The following CSNK1A1L variants were observed in gnomAD, a reference collection of about 807,000 sequenced individuals.
The protein encoded by CSNK1A1L is casein kinase 1 alpha 1 like.
In CSNK1A1L, 20 loss-of-function variants were observed where a neutral mutation model predicts 24.6. The observed-to-expected ratio is 0.81, with a 90% confidence interval of 0.57 to 1.18. The LOEUF (loss-of-function observed/expected upper bound fraction) is 1.18. CSNK1A1L is among the 50% of genes most tolerant of loss of function. The pLI is 0.00. For synonymous variants in CSNK1A1L, 152 were observed against 154.0 expected (o/e 0.99, Z 0.09); for missense variants, 414 against 419.0 (o/e 0.99, Z 0.10).
Position 37,105,242 on chromosome 13 carries a change from G to A in CSNK1A1L, c.15C>T (p.Ser5=), listed in dbSNP as rs768049929. 21 of 1,613,134 alleles carry A rather than the reference G, an allele frequency of 1.3e-5. No homozygotes were observed. The highest frequency in any genetic ancestry group is 1.7e-4 in the Middle Eastern group (1 of 6,058). Residue 5 remains serine, a synonymous_variant, in exon 1 of 1, where the codon AGC becomes AGT. Coordinates refer to ENST00000379800, the MANE Select transcript of CSNK1A1L (RefSeq NM_145203.6). ...CCACAACGAGTTCGGCTTTGGAGCC[G>A]CTGTTGTTTGTCATCCTGAGAGGCA... MTNN[S]GSKAELVVGG...
rs56316262 is a variant in CSNK1A1L at position 37,105,137 on chromosome 13, G to C, written c.120C>G (p.Gly40=). 1,001 of 1,614,066 alleles carry C rather than the reference G, an allele frequency of 6.2e-4. 1 individual carries two copies. The highest frequency in any genetic ancestry group is 8.1e-4 in the Non-Finnish European group (950 of 1,180,018). ...ATTCCAGCTTCACTGCTACGTCCTC[G>C]CCGTTGGTGGTGGTGATGCCCAGAT... is the stretch of plus-strand genomic sequence containing the variant. ...DVYLGITTTN[G]EDVAVKLESQ... is the part of the protein sequence containing the mutation. The change falls in exon 1 of 1, where the codon GGC becomes GGG. Residue 40 remains glycine, a synonymous_variant. Coordinates refer to ENST00000379800, the MANE Select transcript of CSNK1A1L (RefSeq NM_145203.6).
At position 37,105,386 on chromosome 13, in the gene CSNK1A1L, G is replaced by T; in HGVS notation, c.-130C>A. ...GAAATGGCCACCGAGGCGTTTCCCG[G>T]TGTTACAGGGCGTGGAGTCAGCCTG... is the stretch of plus-strand genomic sequence containing the variant. On this transcript the variant is annotated 5_prime_UTR_variant, in exon 1 of 1. Transcript: ENST00000379800. 1 of 971,404 alleles carries T rather than the reference G, an allele frequency of 1.0e-6. No individual in the cohort carries two copies. The highest frequency in any genetic ancestry group is 1.5e-6 in the Non-Finnish European group (1 of 647,248). The allele number at this position is 971,404 out of a possible 1,614,324, so 60.2% of individuals were successfully genotyped here.
chr13:37,105,336 G>T lies in CSNK1A1L; in HGVS notation c.-80C>A, dbSNP rs535702378. 2.0e-6 allele frequency: 3 copies of T among 1,472,780 alleles called. No homozygotes were observed. The highest frequency in any genetic ancestry group is 2.1e-5 in the Admixed American group (1 of 46,620). The allele number at this position is 1,472,780 out of a possible 1,614,324, so 91.2% of individuals were successfully genotyped here. A position where few individuals can be genotyped will look rare whatever the true frequency, so the allele number is the denominator to read the frequency against. On this transcript the variant is annotated 5_prime_UTR_variant, in exon 1 of 1. Coordinates refer to ENST00000379800, the MANE Select transcript of CSNK1A1L (RefSeq NM_145203.6). ...GGAGGCCTCCGGGGCCCACCGGCCC[G>T]CAAGGCTGAGGATGAGGGCTGCTGG...
In CSNK1A1L at chr13:37,104,646, A is replaced by C. The variant is rs1268006496; in HGVS notation, c.611T>G (p.Met204Arg). ...LGIEQSRRDD[M>R]ESLGYVFMYF... ...CATGAAAACGTAGCCTAAGGATTCC[A>C]TGTCATCTCGGCGGCTCTGCTCAAT... Residue 204 changes from methionine to arginine, a missense_variant, in exon 1 of 1, where the codon ATG becomes AGG. Physicochemically the swap from Met to Arg is moderately conservative, Grantham distance 91. Coordinates refer to ENST00000379800, the MANE Select transcript of CSNK1A1L (RefSeq NM_145203.6). 2 of 1,613,972 alleles carry C rather than the reference A, an allele frequency of 1.2e-6. No individual in the cohort carries two copies. The highest frequency in any genetic ancestry group is 1.7e-6 in the Non-Finnish European group (2 of 1,179,980).
In CSNK1A1L at chr13:37,105,544, A is replaced by AGG. The variant is rs1243933982; in HGVS notation, c.-290_-289dup. The AGG allele has an allele frequency of 5.4e-6, 2 of 369,910 alleles. No homozygotes were observed. Among genetic ancestry groups the AGG allele is most frequent in the Non-Finnish European group, 1.0e-5 (2 of 196,436 alleles). The allele number at this position is 369,910 out of a possible 1,614,324, so 22.9% of individuals were successfully genotyped here. ...TCGTGGCGATGTCGTGGGCTGAGAA[A>AGG]GGGGGCACAGCGAGTTGGGGCAGCA... On this transcript the variant is annotated 5_prime_UTR_variant, in exon 1 of 1. Transcript: ENST00000379800.
At position 37,105,417 on chromosome 13, in the gene CSNK1A1L, T is replaced by A; in HGVS notation, c.-161A>T. The A allele has an allele frequency of 1.4e-6, 1 of 690,370 alleles. No homozygotes were observed. The highest frequency in any genetic ancestry group is 2.1e-5 in the South Asian group (1 of 48,780). 42.8% of individuals were successfully genotyped at this position (690,370 alleles called of 1,614,324 possible). A position where few individuals can be genotyped will look rare whatever the true frequency, so the allele number is the denominator to read the frequency against. ...CAGGGCGTGGAGTCAGCCTGATCCCTGCAGCACACCAGGATTTCCGCCAGG... is the reference window on the plus strand; with the variant it reads ...CAGGGCGTGGAGTCAGCCTGATCCCAGCAGCACACCAGGATTTCCGCCAGG... On this transcript the variant is annotated 5_prime_UTR_variant, in exon 1 of 1. Coordinates refer to ENST00000379800, the MANE Select transcript of CSNK1A1L (RefSeq NM_145203.6).
Position 37,105,393 on chromosome 13 carries a change from A to G in CSNK1A1L, c.-137T>C, listed in dbSNP as rs958269929. On this transcript the variant is annotated 5_prime_UTR_variant, in exon 1 of 1. Transcript: ENST00000379800. ...CCACCGAGGCGTTTCCCGGTGTTAC[A>G]GGGCGTGGAGTCAGCCTGATCCCTG... The G allele has an allele frequency of 2.7e-5, 24 of 902,194 alleles. No individual in the cohort carries two copies. In the African/African-American group the frequency reaches 4.1e-4, roughly 15 times the overall value. 55.9% of individuals were successfully genotyped at this position (902,194 alleles called of 1,614,324 possible).
chr13:37,104,677 G>C lies in CSNK1A1L; in HGVS notation c.580C>G (p.Leu194Val). Residue 194 changes from leucine to valine, a missense_variant, in exon 1 of 1, where the codon CTT becomes GTT. By Grantham distance (32) the Leu-to-Val change is conservative (BLOSUM62 1). Coordinates refer to ENST00000379800, the MANE Select transcript of CSNK1A1L (RefSeq NM_145203.6). The stretch of plus-strand genomic sequence containing the variant: ...TCTCGGCGGCTCTGCTCAATACCAA[G>C]ATGTGCATTGATGCTGGCATATCGG... ...TVRYASINAH[L>V]GIEQSRRDDM... The C allele has an allele frequency of 6.2e-7, 1 of 1,614,058 alleles. No individual in the cohort carries two copies. Among genetic ancestry groups the C allele is most frequent in the Non-Finnish European group, 8.5e-7 (1 of 1,180,008 alleles).
chr13:37,104,579 A>G lies in CSNK1A1L; in HGVS notation c.678T>C (p.Ala226=), dbSNP rs1203491833. 1 of 1,614,004 alleles carries G rather than the reference A, an allele frequency of 6.2e-7. No individual in the cohort carries two copies. Among genetic ancestry groups the G allele is most frequent in the African/African-American group, 1.3e-5 (1 of 74,876 alleles). ...RTSLPWQGLR[A]MTKKQKYEKI... ...TTTCATATTTTTGTTTTTTTGTCAT[A>G]GCCCTTAGTCCTTGCCACGGCAGGC... The change falls in exon 1 of 1, where the codon GCT becomes GCC. Residue 226 remains alanine (A), a synonymous_variant. Coordinates refer to ENST00000379800, the MANE Select transcript of CSNK1A1L (RefSeq NM_145203.6).
At position 37,105,563 on chromosome 13, in the gene CSNK1A1L, G is replaced by T; in HGVS notation, c.-307C>A. On this transcript the variant is annotated 5_prime_UTR_variant, in exon 1 of 1. Transcript: ENST00000379800. ...TGAGAAAGGGGGCACAGCGAGTTGG[G>T]GCAGCAGTACTGCTGCCACCGCTAC... is the stretch of plus-strand genomic sequence containing the variant. 2.9e-6 allele frequency: 1 copy of T among 344,008 alleles called. No homozygotes were observed. The allele number at this position is 344,008 out of a possible 1,614,324, so 21.3% of individuals were successfully genotyped here. A position where few individuals can be genotyped will look rare whatever the true frequency, so the allele number is the denominator to read the frequency against.
In CSNK1A1L at chr13:37,104,372, T is replaced by C; in HGVS notation, c.885A>G (p.Thr295=). The change falls in exon 1 of 1, where the codon ACA becomes ACG. Residue 295 remains threonine (T), a synonymous_variant. Transcript: ENST00000379800. Reference sequence around the variant, plus strand: ...TCTGCTTTAACATCGTCCAATCAAATGTGTAGTCATATTGGTGGTTCAGGG... The same window carrying C: ...TCTGCTTTAACATCGTCCAATCAAACGTGTAGTCATATTGGTGGTTCAGGG... ...FRTLNHQYDY[T]FDWTMLKQKA... The C allele has an allele frequency of 6.2e-7, 1 of 1,614,168 alleles. No individual in the cohort carries two copies. Among genetic ancestry groups the C allele is most frequent in the South Asian group, 1.1e-5 (1 of 91,088 alleles).
Position 37,105,459 on chromosome 13 carries a change from T to C in CSNK1A1L, c.-203A>G. The C allele has an allele frequency of 3.6e-6, 2 of 563,096 alleles. No individual in the cohort carries two copies. Among genetic ancestry groups the C allele is most frequent in the Non-Finnish European group, 6.3e-6 (2 of 315,838 alleles). 34.9% of individuals were successfully genotyped at this position (563,096 alleles called of 1,614,324 possible). ...TCCGCCAGGCCACAGTTTGCGAGGGTTTCTCAAGGTTCCAGGCTGGGCCAC... is the reference window on the plus strand; with the variant it reads ...TCCGCCAGGCCACAGTTTGCGAGGGCTTCTCAAGGTTCCAGGCTGGGCCAC... On this transcript the variant is annotated 5_prime_UTR_variant, in exon 1 of 1. Transcript: ENST00000379800.
At position 37,104,807 on chromosome 13, in the gene CSNK1A1L, A is replaced by G; in HGVS notation, c.450T>C (p.Cys150=). 1 of 1,613,898 alleles carries G rather than the reference A, an allele frequency of 6.2e-7. No individual in the cohort carries two copies. Reference sequence around the variant, plus strand: ...CAAAATCAATAAGGAACAACTTATTACAGTGACGCCCAGTACCCATCAGGA... The same window carrying G: ...CAAAATCAATAAGGAACAACTTATTGCAGTGACGCCCAGTACCCATCAGGA... ...DNFLMGTGRH[C]NKLFLIDFGL... The change falls in exon 1 of 1, where the codon TGT becomes TGC. Residue 150 remains cysteine (C), a synonymous_variant. Coordinates refer to ENST00000379800, the MANE Select transcript of CSNK1A1L (RefSeq NM_145203.6).
Position 37,104,178 on chromosome 13 carries a change from A to G in CSNK1A1L, c.*65T>C, listed in dbSNP as rs748729425. The G allele has an allele frequency of 3.3e-4, 529 of 1,600,368 alleles. No individual in the cohort carries two copies. The highest frequency in any genetic ancestry group is 4.2e-4 in the Non-Finnish European group (492 of 1,168,988). On this transcript the variant is annotated 3_prime_UTR_variant, in exon 1 of 1. Coordinates refer to ENST00000379800, the MANE Select transcript of CSNK1A1L (RefSeq NM_145203.6). ...GGTGTACATATGAACTACAATTTCT[A>G]GATGTGGGGAGAAACAAATGCTGCT...
chr13:37,105,173 A>G lies in CSNK1A1L; in HGVS notation c.84T>C (p.Phe28=). The change falls in exon 1 of 1, where the codon TTT becomes TTC. Residue 28 remains phenylalanine, a synonymous_variant. Transcript: ENST00000379800. Reference sequence around the variant, plus strand: ...TGGTGATGCCCAGATAAACGTCTCCAAAGGAGCCAGACCCGATCTTCCGCA... The same window carrying G: ...TGGTGATGCCCAGATAAACGTCTCCGAAGGAGCCAGACCCGATCTTCCGCA... ...KLVRKIGSGS[F]GDVYLGITTT... is the part of the protein sequence containing the mutation. 1.2e-6 allele frequency: 2 copies of G among 1,614,090 alleles called. No homozygotes were observed. The highest frequency in any genetic ancestry group is 1.7e-6 in the Non-Finnish European group (2 of 1,180,018).
At position 37,103,886 on chromosome 13, in the gene CSNK1A1L, G is replaced by T; in HGVS notation, c.*357C>A. On this transcript the variant is annotated 3_prime_UTR_variant, in exon 1 of 1. Coordinates refer to ENST00000379800, the MANE Select transcript of CSNK1A1L (RefSeq NM_145203.6). ...TGTCCTTCTGAAATGATATCTCAAA[G>T]CAGTCTAGTTCAAAATAAAAGGTTT... 1 of 320,838 alleles carries T rather than the reference G, an allele frequency of 3.1e-6. No individual in the cohort carries two copies. The highest frequency in any genetic ancestry group is 5.9e-6 in the Non-Finnish European group (1 of 169,460). 19.9% of individuals were successfully genotyped at this position (320,838 alleles called of 1,614,324 possible).
Position 37,103,286 on chromosome 13 carries a change from G to A in CSNK1A1L, c.*957C>T, listed in dbSNP as rs2139726319. On this transcript the variant is annotated 3_prime_UTR_variant, in exon 1 of 1. Transcript: ENST00000379800. ...AATGAAATAAAATTTACTTGCAAGG[G>A]AATATCATGTAACAAATGGCTCGAA... 1 of 152,262 alleles carries A rather than the reference G, an allele frequency of 6.6e-6. No individual in the cohort carries two copies. The highest frequency in any genetic ancestry group is 2.1e-4 in the South Asian group (1 of 4,818). The allele number at this position is 152,262 out of a possible 1,614,324, so 9.4% of individuals were successfully genotyped here.
chr13:37,105,436 C>T lies in CSNK1A1L; in HGVS notation c.-180G>A, dbSNP rs376175444. On this transcript the variant is annotated 5_prime_UTR_variant, in exon 1 of 1. Transcript: ENST00000379800. Reference sequence around the variant, plus strand: ...GATCCCTGCAGCACACCAGGATTTCCGCCAGGCCACAGTTTGCGAGGGTTT... The same window carrying T: ...GATCCCTGCAGCACACCAGGATTTCTGCCAGGCCACAGTTTGCGAGGGTTT... 10 of 618,376 alleles carry T rather than the reference C, an allele frequency of 1.6e-5. No homozygotes were observed. Among genetic ancestry groups the T allele is most frequent in the African/African-American group, 9.2e-5 (5 of 54,126 alleles). 38.3% of individuals were successfully genotyped at this position (618,376 alleles called of 1,614,324 possible). A position where few individuals can be genotyped will look rare whatever the true frequency, so the allele number is the denominator to read the frequency against.
rs998781008 is a variant in CSNK1A1L, at chr13:37,103,259, A to G, written c.*984T>C. 1.3e-5 allele frequency: 2 copies of G among 152,264 alleles called. No homozygotes were observed. The highest frequency in any genetic ancestry group is 2.9e-5 in the Non-Finnish European group (2 of 68,046). 9.4% of individuals were successfully genotyped at this position (152,264 alleles called of 1,614,324 possible). On this transcript the variant is annotated 3_prime_UTR_variant, in exon 1 of 1. Transcript: ENST00000379800. ...GAATAAAAACATTGAAAAAAGTTAT[A>G]TAATGAAATAAAATTTACTTGCAAG...
Sources: allele counts gnomAD v4.1 joint callset, GRCh38; gene constraint gnomAD v4.1.1; transcripts MANE v1.5; gene names NCBI Gene and HGNC (gene_info 2026-07-23, HGNC 2026-07-21).